The following NRXN1 variants were observed in gnomAD, a reference collection of about 807,000 sequenced individuals.
NRXN1 encodes neurexin-1.
A neutral mutation model predicts 150.9 loss-of-function variants in NRXN1; 39 were observed. The observed-to-expected ratio is 0.26, with a 90% confidence interval of 0.20 to 0.34. NRXN1 has a LOEUF of 0.34. Ranked by LOEUF, NRXN1 falls within the 10% of genes least tolerant of loss-of-function variation. NRXN1 has a pLI of 1.00. For missense variants in NRXN1, 1,815 were observed against 1,949.9 expected, an observed-to-expected ratio of 0.93 and a Z score of 1.30; for synonymous variants, 924 against 757.0, an observed-to-expected ratio of 1.22 and a Z score of -3.62.
chr2:50,107,609 C>G (rs1236125499), intron 18 of NRXN1, among the ~76,000 whole-genome samples: 1 of 146,498 alleles, frequency 6.8e-6, no homozygotes, highest in African/African-American at 2.5e-5. Context: ...AAAAAAACTA[C>G]CCAGCTATGT....
At chr2:50,632,253 G>A (rs756475523) in intron 5 of NRXN1, 1 of 151,936 alleles carries the variant, frequency 6.6e-6, no homozygotes. Context: ...GGGGTGGTCT[G>A]TAACTCTAAA....
intron 5 of NRXN1, among the ~76,000 whole-genome samples, chr2:50,873,586 T>C (rs534330963): frequency 8.6e-5 from 13 of 151,974 alleles, no homozygotes; most frequent in African/African-American, 3.1e-4. Flanking sequence ...TGGTTTATGC[T>C]CTGAATTAAC....
chr2:50,852,442 A>C (rs1674655414), intron 5 of NRXN1, among the ~76,000 whole-genome samples: 1 of 152,150 alleles, frequency 6.6e-6, no homozygotes, highest in African/African-American at 2.4e-5. Context: ...TAGTTTTTTA[A>C]AGTTTAAAAT....
chr2:50,348,741 C>A (rs527594783), intron 17 of NRXN1, among the ~76,000 whole-genome samples: 4 of 152,074 alleles, frequency 2.6e-5, no homozygotes, highest in Non-Finnish European at 4.4e-5. Context: ...GGACCACAGG[C>A]ACTGGATGCT....
chr2:50,811,866 G>A (rs1324882605), intron 5 of NRXN1, among the ~76,000 whole-genome samples: 5 of 152,066 alleles, frequency 3.3e-5, no homozygotes, highest in Non-Finnish European at 7.4e-5. Flanking sequence ...AAAAGAATCT[G>A]TATTATTTTT....
intron 21 of NRXN1, among the ~76,000 whole-genome samples, chr2:49,965,352 C>T (rs542333777): frequency 2.6e-4 from 39 of 152,212 alleles, no homozygotes; most frequent in African/African-American, 7.7e-4. Context: ...CTGCAACCTC[C>T]GCCTCCCAAG....
intron 18 of NRXN1, among the ~76,000 whole-genome samples, chr2:50,140,411 C>T (rs2152759085): frequency 6.6e-6 from 1 of 152,190 alleles, no homozygotes; most frequent in Non-Finnish European, 1.5e-5. Flanking sequence ...CAGGATGTTC[C>T]TAGATACCTT....
chr2:50,315,488 T>C (rs1033815989), intron 17 of NRXN1, among the ~76,000 whole-genome samples: 2 of 152,098 alleles, frequency 1.3e-5, no homozygotes, highest in Admixed American at 1.3e-4. Context: ...ACATGGAAGA[T>C]TACACAAAAC....
intron 2 of NRXN1, among the ~76,000 whole-genome samples, chr2:51,022,555 T>C (rs1669788555): frequency 6.6e-6 from 1 of 152,156 alleles, no homozygotes; most frequent in East Asian, 1.9e-4. Flanking sequence ...TTCACTGTCA[T>C]ACTTTAAGAG....
intron 5 of NRXN1, among the ~76,000 whole-genome samples, chr2:50,756,579 T>C (rs954371036): frequency 6.6e-6 from 1 of 151,848 alleles, no homozygotes. Context: ...TTTTTTTGCA[T>C]AAACGTGTGC....
chr2:50,225,192 A>T (rs2064254502), intron 18 of NRXN1, among the ~76,000 whole-genome samples: 1 of 151,968 alleles, frequency 6.6e-6, no homozygotes, highest in Non-Finnish European at 1.5e-5. Flanking sequence ...CTATGCTCCA[A>T]GGAGAGCACT....
At chr2:50,407,539 T>C (rs1168166965) in intron 17 of NRXN1, among the ~76,000 whole-genome samples, 1 of 152,092 alleles carries the variant, frequency 6.6e-6, no homozygotes, top group Non-Finnish European at 1.5e-5. Flanking sequence ...TATGGCAATA[T>C]TGAGTAGTGG....
intron 21 of NRXN1, among the ~76,000 whole-genome samples, chr2:50,019,816 C>T (rs1041591993): frequency 1.3e-5 from 2 of 149,416 alleles, no homozygotes; most frequent in Non-Finnish European, 3.0e-5. Context: ...GGCATGGTGG[C>T]GGGCGCCTAT....
rs1156727535 is a variant in NRXN1, at chr2:50,199,282, A to T, written c.3546+37507T>A. ...GATTTCATTATAATGACTGCAGGTCAAGGATTCCTGCAAAGATTTTTTAAA... is the reference window on the plus strand; with the variant it reads ...GATTTCATTATAATGACTGCAGGTCTAGGATTCCTGCAAAGATTTTTTAAA... On this transcript the variant is annotated intron_variant, in intron 18 of 22. Coordinates refer to ENST00000401669, the MANE Select transcript of NRXN1 (RefSeq NM_001330078.2). 5 of 152,286 alleles carry T rather than the reference A, an allele frequency of 3.3e-5. No individual in the cohort carries two copies. The East Asian group carries it at 9.7e-4, about 29-fold the overall frequency. 9.4% of individuals were successfully genotyped at this position (152,286 alleles called of 1,614,324 possible).
intron 18 of NRXN1, among the ~76,000 whole-genome samples, chr2:50,236,095 C>T (rs2065391479): frequency 6.6e-6 from 1 of 151,916 alleles, no homozygotes; most frequent in Admixed American, 6.6e-5. Flanking sequence ...ATTATGGCAA[C>T]TTTCAAAGGA....
At chr2:50,607,287 G>A (rs900809246) in intron 8 of NRXN1, among the ~76,000 whole-genome samples, 2 of 152,084 alleles carry the variant, frequency 1.3e-5, no homozygotes, top group African/African-American at 4.8e-5. Flanking sequence ...GTTTCTACTT[G>A]TGTCAGTTAA....
At chr2:50,414,325 T>C (rs1239984665) in intron 17 of NRXN1, among the ~76,000 whole-genome samples, 1 of 151,906 alleles carries the variant, frequency 6.6e-6, no homozygotes, top group Non-Finnish European at 1.5e-5. Context: ...ATGTAGTCCA[T>C]AAATACCCCA....
At chr2:50,583,843 T>C (rs755894438) in intron 8 of NRXN1, among the ~76,000 whole-genome samples, 1 of 152,212 alleles carries the variant, frequency 6.6e-6, no homozygotes, top group African/African-American at 2.4e-5. Context: ...AAGATGATGA[T>C]ACACAAAATA....
chr2:50,487,682 T>C lies in NRXN1; in HGVS notation c.3070+8223A>G, dbSNP rs557009701. ...GTACCCGGGATGGAAGCTGGCTTTCTTCTGGCGGGGACTGTGTTATTACTG... is the reference window on the plus strand; with the variant it reads ...GTACCCGGGATGGAAGCTGGCTTTCCTCTGGCGGGGACTGTGTTATTACTG... On this transcript the variant is annotated intron_variant, in intron 15 of 22. Transcript: ENST00000401669. Among the ~76,000 whole-genome samples the C allele has an allele frequency of 3.9e-5, 6 of 152,338 alleles. No individual in the cohort carries two copies. In the East Asian group the frequency reaches 9.7e-4, roughly 25 times the overall value.
Sources: gnomAD v4.1 joint callset for allele counts (sites outside exome capture counted in the v4.1 genomes callset) on GRCh38, gnomAD v4.1.1 for gene constraint, MANE v1.5 for transcripts, NCBI Gene and HGNC (gene_info 2026-07-23, HGNC 2026-07-21) for gene names.